The following CSMD1 variants were observed in gnomAD, a reference collection of about 807,000 sequenced individuals.
CSMD1 encodes the protein CUB and sushi domain-containing protein 1.
CSMD1 carries 213 observed loss-of-function variants against 417.5 expected under a neutral mutation model. That is an observed-to-expected ratio of 0.51 (90% CI 0.46 to 0.57). The LOEUF is 0.57. Among genes scored for constraint, CSMD1 ranks in the 20% least tolerant of loss-of-function variants. CSMD1 has a pLI of 0.00. For synonymous variants in CSMD1, 2,862 were observed against 1,736.8 expected, an observed-to-expected ratio of 1.65 and a Z score of -16.11; for missense variants, 6,923 against 4,529.7, an observed-to-expected ratio of 1.53 and a Z score of -15.17.
chr8:4,081,507 G>A (rs1800131117), intron 3 of CSMD1, among the ~76,000 whole-genome samples: 1 of 152,290 alleles, frequency 6.6e-6, no homozygotes, highest in East Asian at 1.9e-4. Context: ...CACATGACAA[G>A]GAACTGGGGT....
intron 3 of CSMD1, among the ~76,000 whole-genome samples, chr8:4,257,986 T>C (rs1803582623): frequency 6.6e-6 from 1 of 152,114 alleles, no homozygotes; most frequent in African/African-American, 2.4e-5. Flanking sequence ...TAAAAGAATA[T>C]CATAGAATAA....
At chr8:3,075,432 C>G (rs1018305738) in intron 49 of CSMD1, among the ~76,000 whole-genome samples, 1 of 151,934 alleles carries the variant, frequency 6.6e-6, no homozygotes, top group Non-Finnish European at 1.5e-5. Flanking sequence ...CAGGCATGCA[C>G]CACCATGCCT....
At chr8:4,400,097 T>A (rs1483415829) in intron 3 of CSMD1, among the ~76,000 whole-genome samples, 1 of 152,130 alleles carries the variant, frequency 6.6e-6, no homozygotes, top group East Asian at 1.9e-4. Context: ...TACGAGTACA[T>A]TAAAATAGTG....
intron 5 of CSMD1, among the ~76,000 whole-genome samples, chr8:3,917,413 C>G (rs1027090901): frequency 8.0e-5 from 7 of 87,294 alleles, no homozygotes; most frequent in African/African-American, 2.3e-4. Flanking sequence ...GGTTATACCA[C>G]GAAACACACA....
intron 3 of CSMD1, among the ~76,000 whole-genome samples, chr8:4,091,569 A>G (rs1305545830): frequency 1.3e-5 from 2 of 152,182 alleles, no homozygotes; most frequent in Non-Finnish European, 2.9e-5. Flanking sequence ...GCTCCTTTCT[A>G]TCCCTCAGTA....
chr8:4,207,926 C>G (rs1800080446), intron 3 of CSMD1, among the ~76,000 whole-genome samples: 1 of 152,030 alleles, frequency 6.6e-6, no homozygotes, highest in African/African-American at 2.4e-5. Context: ...ATTAAATAGT[C>G]TATTTCTTCC....
intron 1 of CSMD1, among the ~76,000 whole-genome samples, chr8:4,972,743 T>G (rs1810318960): frequency 7.0e-6 from 1 of 143,608 alleles, no homozygotes; most frequent in African/African-American, 2.6e-5. Context: ...TTTTGAAGAT[T>G]ACCAACACAT....
At chr8:4,983,198 T>C (rs1205430226) in intron 1 of CSMD1, among the ~76,000 whole-genome samples, 1 of 152,190 alleles carries the variant, frequency 6.6e-6, no homozygotes, top group East Asian at 1.9e-4. Context: ...TGTTGACAAG[T>C]TCTAGTCTCA....
intron 5 of CSMD1, among the ~76,000 whole-genome samples, chr8:3,997,291 C>G (rs1181861852): frequency 6.6e-6 from 1 of 152,220 alleles, no homozygotes; most frequent in Non-Finnish European, 1.5e-5. Flanking sequence ...ACCATCACTC[C>G]TAAATAGGCG....
chr8:4,755,169 T>C (rs1053320263), intron 1 of CSMD1, among the ~76,000 whole-genome samples: 4 of 152,136 alleles, frequency 2.6e-5, no homozygotes, highest in Non-Finnish European at 4.4e-5. Context: ...AAAAGCAAAG[T>C]CATAGGCCAA....
At chr8:4,973,261 C>T (rs1006875137) in intron 1 of CSMD1, among the ~76,000 whole-genome samples, 5 of 152,118 alleles carry the variant, frequency 3.3e-5, no homozygotes, top group African/African-American at 9.7e-5. Context: ...TGCTTGAGGG[C>T]AGGGACTTTA....
chr8:4,682,004 C>A (rs542825106), intron 1 of CSMD1, among the ~76,000 whole-genome samples: 6 of 152,156 alleles, frequency 3.9e-5, no homozygotes, highest in Admixed American at 1.3e-4. Flanking sequence ...AGGTTTATGT[C>A]ATTTTATTGG....
intron 3 of CSMD1, among the ~76,000 whole-genome samples, chr8:4,268,519 T>C (rs1333325868): frequency 2.0e-5 from 3 of 152,154 alleles, no homozygotes; most frequent in African/African-American, 7.2e-5. Context: ...CAAGTAGTAG[T>C]CAAAATGATT....
At chr8:4,773,905 C>T (rs1467547287) in intron 1 of CSMD1, among the ~76,000 whole-genome samples, 1 of 152,198 alleles carries the variant, frequency 6.6e-6, no homozygotes, top group Non-Finnish European at 1.5e-5. Context: ...ACACAAAAAT[C>T]CTACTCTTGG....
intron 6 of CSMD1, among the ~76,000 whole-genome samples, chr8:3,748,494 C>T (rs1196113726): frequency 6.6e-6 from 1 of 152,130 alleles, no homozygotes; most frequent in African/African-American, 2.4e-5. Context: ...CACTTGATTT[C>T]CTCCATTCCT....
intron 3 of CSMD1, among the ~76,000 whole-genome samples, chr8:4,305,675 G>C (rs1359420861): frequency 2.0e-5 from 3 of 152,200 alleles, no homozygotes; most frequent in Non-Finnish European, 2.9e-5. Flanking sequence ...CAGAGAGTAA[G>C]TGCTTGCTCA....
At chr8:4,773,360 G>A (rs551147184) in intron 1 of CSMD1, among the ~76,000 whole-genome samples, 5 of 152,236 alleles carry the variant, frequency 3.3e-5, no homozygotes, top group Admixed American at 2.0e-4. Context: ...TTTTGTTTCA[G>A]GAAAGCAGAA....
At chr8:4,160,641 T>C (rs1466184133) in intron 3 of CSMD1, among the ~76,000 whole-genome samples, 1 of 152,214 alleles carries the variant, frequency 6.6e-6, no homozygotes, top group Non-Finnish European at 1.5e-5. Context: ...ACTCTGGAAG[T>C]CTTTGTACTT....
intron 3 of CSMD1, among the ~76,000 whole-genome samples, chr8:4,175,858 A>C (rs914622736): frequency 5.9e-5 from 9 of 152,172 alleles, no homozygotes; most frequent in African/African-American, 2.2e-4. Flanking sequence ...AATAACCAAA[A>C]TGTTACCAAG....
Sources: gnomAD v4.1 joint callset for allele counts (sites outside exome capture counted in the v4.1 genomes callset) on GRCh38, gnomAD v4.1.1 for gene constraint, MANE v1.5 for transcripts, NCBI Gene and HGNC (gene_info 2026-07-23, HGNC 2026-07-21) for gene names.